The following TIAL1 variants were observed in gnomAD, a reference collection of about 807,000 sequenced individuals.
TIAL1 encodes nucleolysin TIAR.
Under a neutral mutation model 59.7 loss-of-function variants are expected in TIAL1, and 7 were observed. That is an observed-to-expected ratio of 0.12 (90% confidence interval 0.07 to 0.22). The LOEUF (loss-of-function observed/expected upper bound fraction) is 0.22. Among genes scored for constraint, TIAL1 ranks in the 10% least tolerant of loss-of-function variants. TIAL1 has a pLI of 1.00. For synonymous variants in TIAL1, 149 were observed against 146.3 expected (o/e 1.02, Z -0.13); for missense variants, 225 against 462.5 (o/e 0.49, Z 4.71).
chr10:119,587,909 A>G (rs2133989370), intron 2 of TIAL1, among the ~76,000 whole-genome samples: 1 of 152,354 alleles, frequency 6.6e-6, no homozygotes, highest in Non-Finnish European at 1.5e-5. Flanking sequence ...ATGTTCTGAA[A>G]GCAGAATCAC....
intron 1 of TIAL1, among the ~76,000 whole-genome samples, chr10:119,591,087 A>T (rs913090884): frequency 4.6e-5 from 7 of 152,132 alleles, no homozygotes; most frequent in African/African-American, 1.7e-4. Flanking sequence ...AATAGTCACA[A>T]AAAAAGCCGT....
intron 7 of TIAL1, among the ~76,000 whole-genome samples, 175 bp from the exon 8 acceptor site, chr10:119,577,911 G>A (rs1845090500): frequency 1.3e-5 from 2 of 152,004 alleles, no homozygotes; most frequent in Non-Finnish European, 2.9e-5. Flanking sequence ...CCAACATGAC[G>A]AAATCCTGTC....
intron 1 of TIAL1, among the ~76,000 whole-genome samples, chr10:119,591,463 C>T (rs1404785930): frequency 6.6e-6 from 1 of 151,514 alleles, no homozygotes; most frequent in Non-Finnish European, 1.5e-5. Flanking sequence ...AGTTACAGAT[C>T]TTGAAGAATT....
At chr10:119,585,309 T>G (rs774309464) in intron 2 of TIAL1, among the ~76,000 whole-genome samples, 96 of 145,562 alleles carry the variant, frequency 6.6e-4, no homozygotes, top group Non-Finnish European at 1.3e-3. Context: ...CATTTAAAAA[T>G]GAACTAGGTG....
At chr10:119,588,437 AGATTCAAAC>A (rs1845683986) in intron 1 of TIAL1, 189 bp from the exon 2 acceptor site, 3 of 354,358 alleles carry the variant, frequency 8.5e-6, no homozygotes, top group Non-Finnish European at 1.0e-5. Flanking sequence ...TCCGCCTCCC[AGATTCAAAC>A]GATTTTCCTG....
At chr10:119,576,202 G>GAAAAAAAAAAAAAAAAAAAAAAAA (rs34336844) in intron 11 of TIAL1, among the ~76,000 whole-genome samples, 1 of 109,072 alleles carries the variant, frequency 9.2e-6, no homozygotes, top group Non-Finnish European at 1.9e-5. Context: ...ATCAACAAAA[G>GAAAAAAAAAAAAAAAAAAAAAAAA]AAAAAAAAAA....
rs770707162 is a variant in TIAL1 at position 119,588,215 on chromosome 10, T to C, written c.66A>G (p.Glu22=). The change falls in exon 2 of 12, where the codon GAA becomes GAG. Residue 22 remains glutamate (E), a synonymous_variant. Transcript: ENST00000436547. ...GACTGAACAACTGAAGTATAAGGAC[T>C]TCTGTCACATCTCTGGAAAGGTTAC... The part of the protein sequence containing the change: ...YVGNLSRDVT[E]VLILQLFSQI... The C allele has an allele frequency of 1.3e-6, 2 of 1,592,572 alleles. No individual in the cohort carries two copies. The highest frequency in any genetic ancestry group is 1.7e-5 in the Admixed American group (1 of 58,474).
At chr10:119,589,318 G>C (rs1189043516) in intron 1 of TIAL1, among the ~76,000 whole-genome samples, 1 of 152,212 alleles carries the variant, frequency 6.6e-6, no homozygotes. Flanking sequence ...CGATTCTCCT[G>C]CCTCAGCCTC....
At chr10:119,594,294 CT>C (rs1274195707) in intron 1 of TIAL1, among the ~76,000 whole-genome samples, 4 of 152,124 alleles carry the variant, frequency 2.6e-5, no homozygotes, top group Admixed American at 2.0e-4. Context: ...AAGAAGTTAG[CT>C]TATTATTCCC....
At chr10:119,577,392 T>C (rs1347810657) in intron 9 of TIAL1, 59 bp downstream of exon 9, 33 of 1,529,592 alleles carry the variant, frequency 2.2e-5, no homozygotes, top group Non-Finnish European at 2.7e-5. Flanking sequence ...CTGGAGAACA[T>C]AAGTGAAAGG....
intron 1 of TIAL1, among the ~76,000 whole-genome samples, chr10:119,593,885 GCAC>G (rs1846013530): frequency 6.6e-6 from 1 of 152,146 alleles, no homozygotes; most frequent in Non-Finnish European, 1.5e-5. Context: ...TCAACAGACT[GCAC>G]CACATGTGAC....
In TIAL1 at chr10:119,575,587, TG is replaced by T; in HGVS notation, c.*77del. ...TAAAATAAATATTTTCATTTTCCGA[TG>T]TCTACTTTCATGTCTTCAGAGTGTC... On this transcript the variant is annotated 3_prime_UTR_variant, in exon 12 of 12. Coordinates refer to ENST00000436547, the MANE Select transcript of TIAL1 (RefSeq NM_003252.4). The T allele has an allele frequency of 6.5e-7, 1 of 1,535,034 alleles. No homozygotes were observed. Among genetic ancestry groups the T allele is most frequent in the Non-Finnish European group, 9.0e-7 (1 of 1,116,616 alleles).
rs1844940013 is a variant in TIAL1 at position 119,575,442 on chromosome 10, T to C, written c.*223A>G. On this transcript the variant is annotated 3_prime_UTR_variant, in exon 12 of 12. Coordinates refer to ENST00000436547, the MANE Select transcript of TIAL1 (RefSeq NM_003252.4). The stretch of plus-strand genomic sequence containing the variant: ...TTTATTGACTTTATTTTAGTTTTTG[T>C]ACATAAAGAAAAATCATGTTCATAT... 1.2e-5 allele frequency: 5 copies of C among 420,600 alleles called. No homozygotes were observed. Among genetic ancestry groups the C allele is most frequent in the Non-Finnish European group, 2.1e-5 (5 of 241,380 alleles). The allele number at this position is 420,600 out of a possible 1,614,324, so 26.1% of individuals were successfully genotyped here. A position where few individuals can be genotyped will look rare whatever the true frequency, so the allele number is the denominator to read the frequency against.
rs1402755465 is a variant in TIAL1, at chr10:119,574,642, G to C, written c.*1023C>G. 1 of 124,728 alleles carries C rather than the reference G, an allele frequency of 8.0e-6. No homozygotes were observed. The highest frequency in any genetic ancestry group is 1.7e-5 in the Non-Finnish European group (1 of 59,520). 7.7% of individuals were successfully genotyped at this position (124,728 alleles called of 1,614,324 possible). A position where few individuals can be genotyped will look rare whatever the true frequency, so the allele number is the denominator to read the frequency against. On this transcript the variant is annotated 3_prime_UTR_variant, in exon 12 of 12. Coordinates refer to ENST00000436547, the MANE Select transcript of TIAL1 (RefSeq NM_003252.4). The stretch of plus-strand genomic sequence containing the variant: ...AAAACTAATTCCCAATGACATTTTA[G>C]AACATACTAATGCATCAAAGATTGT...
rs1845334568 is a variant in TIAL1 at position 119,582,115 on chromosome 10, C to T, written c.283+54G>A. 1 of 1,595,730 alleles carries T rather than the reference C, an allele frequency of 6.3e-7. No homozygotes were observed. The highest frequency in any genetic ancestry group is 8.5e-7 in the Non-Finnish European group (1 of 1,171,288). ...AAAAAACCTATTTAAGCTGGTAATG[C>T]CTCCTGGATAATTTCAGAACTCTTC... On this transcript the variant is annotated intron_variant, in intron 4 of 11. Coordinates refer to ENST00000436547, the MANE Select transcript of TIAL1 (RefSeq NM_003252.4). This position sits in a 1 kb window ranked among gnomAD's most constrained non-coding sequence, Gnocchi z 5.1.
rs1201076856 is a variant in TIAL1, at chr10:119,574,574, AGTAAT to A, written c.*1086_*1090del. On this transcript the variant is annotated 3_prime_UTR_variant, in exon 12 of 12. Transcript: ENST00000436547. ...TTTTAATCAAGGTATTTACATACCA[AGTAAT>A]GTAAAGCAAAAAAAAAAAAAAAAAA... is the stretch of plus-strand genomic sequence containing the variant. 7.6e-6 allele frequency: 1 copy of A among 131,440 alleles called. No homozygotes were observed. Among genetic ancestry groups the A allele is most frequent in the Non-Finnish European group, 1.6e-5 (1 of 61,600 alleles). 8.1% of individuals were successfully genotyped at this position (131,440 alleles called of 1,614,324 possible).
chr10:119,595,555 A>G (rs1402433385), intron 1 of TIAL1, among the ~76,000 whole-genome samples: 1 of 152,200 alleles, frequency 6.6e-6, no homozygotes, highest in Non-Finnish European at 1.5e-5. Flanking sequence ...TGGTTGGAAG[A>G]TGGAATTCAT....
At chr10:119,586,119 C>A (rs1845561796) in intron 2 of TIAL1, among the ~76,000 whole-genome samples, 1 of 152,184 alleles carries the variant, frequency 6.6e-6, no homozygotes, top group Non-Finnish European at 1.5e-5. Context: ...GAGTTGCAAA[C>A]TACTTTATCC....
At chr10:119,590,746 GAGAC>G (rs1845812311) in intron 1 of TIAL1, among the ~76,000 whole-genome samples, 1 of 92,610 alleles carries the variant, frequency 1.1e-5, no homozygotes, top group African/African-American at 5.1e-5. Flanking sequence ...GAAAGAGAGA[GAGAC>G]AGAGAGAAAG....
Sources: allele counts gnomAD v4.1 joint callset (sites outside exome capture counted in the v4.1 genomes callset), GRCh38; gene constraint gnomAD v4.1.1; non-coding constraint Gnocchi (gnomAD v3.1); transcripts MANE v1.5; gene names NCBI Gene and HGNC (gene_info 2026-07-23, HGNC 2026-07-21).